AUTS2: variants seen among roughly 807,000 people sequenced by gnomAD.
The protein encoded by AUTS2 is activator of transcription and developmental regulator AUTS2.
In AUTS2, 17 loss-of-function variants were observed where a neutral mutation model predicts 112.4. The observed-to-expected ratio is 0.15, with a 90% CI of 0.10 to 0.23. The LOEUF (loss-of-function observed/expected upper bound fraction) is 0.23. AUTS2 is among the 10% of genes least tolerant of loss of function. AUTS2 has a pLI of 1.00. For synonymous variants in AUTS2, 751 were observed against 702.7 expected, an observed-to-expected ratio of 1.07 and a Z score of -1.09; for missense variants, 1,510 against 1,701.6, an observed-to-expected ratio of 0.89 and a Z score of 1.98.
intron 2 of AUTS2, among the ~76,000 whole-genome samples, chr7:69,919,264 G>C (rs961075485): frequency 1.3e-5 from 2 of 152,100 alleles, no homozygotes; most frequent in Non-Finnish European, 2.9e-5. Flanking sequence ...TAGATACAGC[G>C]TGTGGCTATT....
intron 4 of AUTS2, among the ~76,000 whole-genome samples, chr7:70,312,998 C>A (rs560277722): frequency 1.3e-5 from 2 of 152,158 alleles, no homozygotes; most frequent in African/African-American, 2.4e-5. Context: ...AGTAAAAGAA[C>A]GTCTAAACTG....
chr7:70,479,748 C>G (rs6975615), intron 5 of AUTS2, among the ~76,000 whole-genome samples: 61,848 of 151,948 alleles, frequency 0.41, 12,921 homozygotes, highest in African/African-American at 0.46. Flanking sequence ...GGAAGGGAAG[C>G]CTAATCTATA....
intron 1 of AUTS2, among the ~76,000 whole-genome samples, chr7:69,650,871 T>C (rs1268295006): frequency 6.6e-6 from 1 of 152,216 alleles, no homozygotes; most frequent in East Asian, 1.9e-4. Flanking sequence ...TCACCTGGGC[T>C]TACCTCAGTT....
At chr7:70,341,536 GA>G (rs755306601) in intron 4 of AUTS2, among the ~76,000 whole-genome samples, 3 of 152,314 alleles carry the variant, frequency 2.0e-5, no homozygotes, top group East Asian at 1.9e-4. Context: ...GATGGGGCAT[GA>G]AAAAAACTGT....
intron 4 of AUTS2, among the ~76,000 whole-genome samples, chr7:70,401,177 A>T (rs1157621323): frequency 6.6e-6 from 1 of 152,072 alleles, no homozygotes; most frequent in Non-Finnish European, 1.5e-5. Context: ...TCTCCATGGC[A>T]TGAAGGGAGA....
intron 1 of AUTS2, among the ~76,000 whole-genome samples, chr7:69,844,530 G>A (rs1356392202): frequency 6.6e-6 from 1 of 152,144 alleles, no homozygotes; most frequent in Non-Finnish European, 1.5e-5. Context: ...ACACTGGAAA[G>A]AGACCCTCTT....
chr7:69,997,174 G>A (rs1436862311), intron 2 of AUTS2, among the ~76,000 whole-genome samples: 1 of 152,152 alleles, frequency 6.6e-6, no homozygotes, highest in East Asian at 1.9e-4. Context: ...ACCTTATGAG[G>A]CACAGCTGGC....
intron 4 of AUTS2, among the ~76,000 whole-genome samples, chr7:70,297,574 C>A (rs186490367): frequency 1.3e-5 from 2 of 151,718 alleles, no homozygotes; most frequent in Non-Finnish European, 2.9e-5. Context: ...GGACTACAGG[C>A]GCCTGCCACC....
intron 1 of AUTS2, among the ~76,000 whole-genome samples, chr7:69,755,346 A>G (rs1247093931): frequency 6.6e-6 from 1 of 152,232 alleles, no homozygotes; most frequent in Non-Finnish European, 1.5e-5. Flanking sequence ...CTCTTCTAGC[A>G]TAGTCTTTAA....
chr7:69,899,361 C>T lies in AUTS2; in HGVS notation c.385C>T (p.Leu129Phe), dbSNP rs145480547. 6.2e-6 allele frequency: 10 copies of T among 1,614,058 alleles called. No individual in the cohort carries two copies. In the South Asian group the frequency reaches 9.9e-5, roughly 16 times the overall value. ...CCTGACCAAGAAGAAACGAGAAGCA[C>T]TTACCAATGGCTTGTCCTTTCATTC... ...TPLTKKKREA[L>F]TNGLSFHSKK... is the part of the protein sequence containing the mutation. Residue 129 changes from leucine (L) to phenylalanine (F), a missense_variant, in exon 2 of 19, where the codon CTT (leucine) becomes TTT (phenylalanine). Transcript: ENST00000342771.
intron 2 of AUTS2, among the ~76,000 whole-genome samples, chr7:69,908,756 G>A (rs1795244167): frequency 6.6e-6 from 1 of 152,194 alleles, no homozygotes; most frequent in South Asian, 2.1e-4. Context: ...TACAAACCTG[G>A]ACAGGTCCTA....
At chr7:69,760,376 A>G (rs771042027) in intron 1 of AUTS2, among the ~76,000 whole-genome samples, 1 of 151,800 alleles carries the variant, frequency 6.6e-6, no homozygotes, top group East Asian at 1.9e-4. Flanking sequence ...TTTTTTTCAT[A>G]GTAAGAAAAG....
At chr7:70,705,701 G>A (rs1343884256) in intron 6 of AUTS2, among the ~76,000 whole-genome samples, 1 of 152,174 alleles carries the variant, frequency 6.6e-6, no homozygotes, top group African/African-American at 2.4e-5. Flanking sequence ...CTGGGAGAGT[G>A]CACTCTGAGG....
intron 4 of AUTS2, among the ~76,000 whole-genome samples, chr7:70,270,206 A>G (rs991722843): frequency 1.3e-5 from 2 of 152,212 alleles, no homozygotes; most frequent in Non-Finnish European, 2.9e-5. Flanking sequence ...ATGATTATCT[A>G]TTGTGTTATG....
intron 2 of AUTS2, among the ~76,000 whole-genome samples, chr7:70,050,084 C>A (rs1337962395): frequency 4.0e-5 from 6 of 151,886 alleles, no homozygotes; most frequent in African/African-American, 1.2e-4. Flanking sequence ...TGGCCAGGCG[C>A]GGTGGCTCAT....
intron 5 of AUTS2, among the ~76,000 whole-genome samples, chr7:70,535,442 TCTCA>T (rs1365302918): frequency 1.3e-5 from 2 of 152,118 alleles, no homozygotes; most frequent in African/African-American, 4.8e-5. Flanking sequence ...TGAGACGGAG[TCTCA>T]CTCTGTCGCC....
At chr7:69,718,350 C>T (rs944559331) in intron 1 of AUTS2, among the ~76,000 whole-genome samples, 3 of 152,154 alleles carry the variant, frequency 2.0e-5, no homozygotes, top group African/African-American at 4.8e-5. Context: ...CAACATGGAT[C>T]TCATTGGGCT....
At chr7:70,692,445 A>C (rs1050069886) in intron 5 of AUTS2, among the ~76,000 whole-genome samples, 4 of 152,200 alleles carry the variant, frequency 2.6e-5, no homozygotes, top group African/African-American at 9.7e-5. Context: ...CCTTTGAGCT[A>C]TCCTGGTATT....
At chr7:70,013,420 A>G (rs898505393) in intron 2 of AUTS2, among the ~76,000 whole-genome samples, 4 of 152,176 alleles carry the variant, frequency 2.6e-5, no homozygotes, top group Admixed American at 6.5e-5. Flanking sequence ...TAGCTTTCCT[A>G]CATTCTCCTG....
Sources: allele counts gnomAD v4.1 joint callset (sites outside exome capture counted in the v4.1 genomes callset), GRCh38; gene constraint gnomAD v4.1.1; transcripts MANE v1.5; gene names NCBI Gene and HGNC (gene_info 2026-07-23, HGNC 2026-07-21).